The following PCDH7 variants were observed in gnomAD, a reference collection of about 807,000 sequenced individuals.
PCDH7 encodes protocadherin-7.
PCDH7 carries 17 observed loss-of-function variants against 58.9 expected under a neutral mutation model. The ratio of observed to expected loss-of-function variants is 0.29; its 90% CI spans 0.20 to 0.43. PCDH7 has a LOEUF of 0.43. Ranked by LOEUF, PCDH7 falls within the 20% of genes least tolerant of loss-of-function variation. PCDH7 has a pLI of 1.00. For synonymous variants in PCDH7, 664 were observed against 616.4 expected (o/e 1.08, Z -1.14); for missense variants, 1,274 against 1,441.0 (o/e 0.88, Z 1.88).
intron 1 of PCDH7, among the ~76,000 whole-genome samples, chr4:30,804,760 C>T (rs752146529): frequency 5.9e-5 from 9 of 152,036 alleles, no homozygotes; most frequent in South Asian, 2.1e-4. Context: ...ATTATTATAT[C>T]GCCAGAAACA....
chr4:30,723,207 C>A lies in PCDH7; in HGVS notation c.1785C>A (p.Thr595=), dbSNP rs1193393851. The A allele has an allele frequency of 6.2e-7, 1 of 1,614,012 alleles. No individual in the cohort carries two copies. The highest frequency in any genetic ancestry group is 1.3e-5 in the African/African-American group (1 of 74,910). Reference sequence around the variant, plus strand: ...ATTCTGGGGACATCCTGGTCAATACCGTGCTGGACCGCGAGCAGACTGACA... The same window carrying A: ...ATTCTGGGGACATCCTGGTCAATACAGTGCTGGACCGCGAGCAGACTGACA... The change falls in exon 1 of 2, where the codon ACC becomes ACA. Residue 595 remains threonine (T), a synonymous_variant. Transcript: ENST00000361762. This position sits in a 1 kb window ranked among gnomAD's most constrained non-coding sequence, Gnocchi z 4.6.
chr4:31,126,247 C>A (rs1309932057), intron 3 of PCDH7, among the ~76,000 whole-genome samples: 1 of 151,776 alleles, frequency 6.6e-6, no homozygotes, highest in South Asian at 2.1e-4. Flanking sequence ...CCCCTGCTGC[C>A]TGGGTTCAAG....
chr4:30,837,981 AG>A (rs1730725126), intron 1 of PCDH7, among the ~76,000 whole-genome samples: 1 of 151,012 alleles, frequency 6.6e-6, no homozygotes, highest in Admixed American at 6.6e-5. Context: ...ATTTGGCATT[AG>A]CAATCCACAA....
chr4:31,122,202 A>T (rs1717771784), intron 3 of PCDH7, among the ~76,000 whole-genome samples: 1 of 152,150 alleles, frequency 6.6e-6, no homozygotes. Flanking sequence ...AATTCTAAAT[A>T]TATTTAATCA....
intron 3 of PCDH7, among the ~76,000 whole-genome samples, chr4:31,064,595 G>A (rs1757933364): frequency 6.6e-6 from 1 of 151,922 alleles, no homozygotes; most frequent in Non-Finnish European, 1.5e-5. Flanking sequence ...TCTGTGGGTG[G>A]CAGCAACCCT....
intron 1 of PCDH7, among the ~76,000 whole-genome samples, chr4:30,889,779 A>G (rs140055442): frequency 2.0e-4 from 30 of 152,234 alleles, no homozygotes; most frequent in Non-Finnish European, 3.5e-4. Flanking sequence ...TCGTGACCTA[A>G]TCATCTCCCA....
intron 3 of PCDH7, among the ~76,000 whole-genome samples, chr4:31,113,041 A>AT (rs993115445): frequency 1.8e-4 from 28 of 151,772 alleles, no homozygotes; most frequent in African/African-American, 5.8e-4. Flanking sequence ...TCTTATTGGT[A>AT]TTTTTTTTAA....
chr4:30,771,862 C>T (rs1721452869), intron 1 of PCDH7, among the ~76,000 whole-genome samples: 2 of 151,766 alleles, frequency 1.3e-5, no homozygotes, highest in Admixed American at 1.3e-4. Flanking sequence ...ATATAGATAG[C>T]CTTTTCTTTC....
chr4:31,110,891 G>A (rs994540999), intron 3 of PCDH7, among the ~76,000 whole-genome samples: 1 of 150,724 alleles, frequency 6.6e-6, no homozygotes, highest in Non-Finnish European at 1.5e-5. Context: ...CTTCCGCCTG[G>A]ATGACAGAGC....
intron 3 of PCDH7, among the ~76,000 whole-genome samples, chr4:31,088,263 T>C (rs1306127540): frequency 1.3e-5 from 2 of 152,080 alleles, no homozygotes; most frequent in East Asian, 1.9e-4. Context: ...GATAATAGAA[T>C]TGCTTCTGTT....
chr4:30,724,932 G>C (rs1714395258), intron 1 of PCDH7: 2 of 1,067,278 alleles, frequency 1.9e-6, no homozygotes, highest in Non-Finnish European at 1.1e-6. Flanking sequence ...TAGATGGTTA[G>C]TTTTCACCTG....
At chr4:30,923,334 C>G (rs1560504544) in intron 2 of PCDH7, among the ~76,000 whole-genome samples, 1 of 152,074 alleles carries the variant, frequency 6.6e-6, no homozygotes. Context: ...AATACATTTT[C>G]ACAAATGCAG....
intron 3 of PCDH7, among the ~76,000 whole-genome samples, chr4:31,000,986 T>C (rs1752322087): frequency 6.6e-6 from 1 of 152,014 alleles, no homozygotes; most frequent in South Asian, 2.1e-4. Context: ...GTATATTAAT[T>C]AAACGGGGAA....
At chr4:30,882,190 C>T (rs1473422780) in intron 1 of PCDH7, among the ~76,000 whole-genome samples, 1 of 150,010 alleles carries the variant, frequency 6.7e-6, no homozygotes, top group Non-Finnish European at 1.5e-5. Context: ...CCTCTTTCCC[C>T]TCCCCTTCCT....
chr4:30,988,498 A>T (rs180682769), intron 3 of PCDH7, among the ~76,000 whole-genome samples: 1 of 152,284 alleles, frequency 6.6e-6, no homozygotes, highest in East Asian at 1.9e-4. Context: ...TCTAATATTC[A>T]TATTTCATTA....
intron 3 of PCDH7, among the ~76,000 whole-genome samples, chr4:31,083,315 A>T (rs1175685816): frequency 1.3e-5 from 2 of 152,138 alleles, no homozygotes; most frequent in East Asian, 3.9e-4. Flanking sequence ...ACATCATAAT[A>T]AGAATAAATT....
At chr4:30,767,367 T>C in intron 1 of PCDH7, among the ~76,000 whole-genome samples, 1 of 152,164 alleles carries the variant, frequency 6.6e-6, no homozygotes, top group East Asian at 1.9e-4. Context: ...GATTAGACCT[T>C]AGTTAGTAGG....
intron 1 of PCDH7, chr4:30,730,625 G>A (rs1715344308): frequency 6.5e-6 from 4 of 611,208 alleles, no homozygotes; most frequent in South Asian, 4.6e-5. Flanking sequence ...CAAACACAAA[G>A]TTGGCATTAA....
At chr4:30,981,395 C>T (rs1750555177) in intron 3 of PCDH7, among the ~76,000 whole-genome samples, 1 of 152,022 alleles carries the variant, frequency 6.6e-6, no homozygotes, top group Non-Finnish European at 1.5e-5. Flanking sequence ...TATTTGGATG[C>T]CGAGATTTAT....
Sources: gnomAD v4.1 joint callset for allele counts (sites outside exome capture counted in the v4.1 genomes callset) on GRCh38, gnomAD v4.1.1 for gene constraint, Gnocchi (gnomAD v3.1) non-coding constraint, MANE v1.5 for transcripts, NCBI Gene and HGNC (gene_info 2026-07-23, HGNC 2026-07-21) for gene names.